The following AOPEP variants were observed in gnomAD, a reference collection of about 807,000 sequenced individuals.
The protein encoded by AOPEP is aminopeptidase O (putative), also known as aminopeptidase O.
A neutral mutation model predicts 98.1 loss-of-function variants in AOPEP; 77 were observed. The ratio of observed to expected loss-of-function variants is 0.78; its 90% confidence interval spans 0.65 to 0.95. AOPEP has a LOEUF of 0.95. Ranked by LOEUF, AOPEP falls within the 40% of genes least tolerant of loss-of-function variation. The pLI, the probability that AOPEP is intolerant of heterozygous loss-of-function variation, is 0.00. For synonymous variants in AOPEP, 346 were observed against 365.3 expected (o/e 0.95, Z 0.60); for missense variants, 1,024 against 1,024.7 (o/e 1.00, Z 0.01).
chr9:94,773,041 G>C lies in AOPEP; in HGVS notation c.837G>C (p.Arg279Ser), dbSNP rs1240098195. Residue 279 changes from arginine to serine, a missense_variant, in exon 3 of 17, where the codon AGG becomes AGC. By Grantham distance (110) the Arg-to-Ser change is moderately radical. Around this residue, in one of 3 missense-constraint regions of AOPEP, gnomAD observed 440 missense variants for 433.8 expected, o/e 1.01. Transcript: ENST00000375315. ...CTGTGGGATCTCCCATAAACAACAG[G>C]GCCCTTTTTCCATGCCAGGAGCCAC... is the stretch of plus-strand genomic sequence containing the variant. ...VYTVGSPINN[R>S]ALFPCQEPPV... is the part of the protein sequence containing the mutation. The C allele has an allele frequency of 6.2e-7, 1 of 1,613,822 alleles. No homozygotes were observed. The highest frequency in any genetic ancestry group is 8.5e-7 in the Non-Finnish European group (1 of 1,179,962).
At chr9:95,049,073 T>C (rs1318526204) in intron 13 of AOPEP, 1 of 152,172 alleles carries the variant, frequency 6.6e-6, no homozygotes, top group Admixed American at 6.5e-5. Context: ...TTCAAACATT[T>C]CTCTGTCAGA....
chr9:94,892,591 C>T (rs889098516), intron 5 of AOPEP, among the ~76,000 whole-genome samples: 1 of 152,156 alleles, frequency 6.6e-6, no homozygotes, highest in African/African-American at 2.4e-5. Flanking sequence ...TGTGAGATGG[C>T]CTCATTTGGA....
At chr9:95,003,374 T>G (rs577858551) in intron 11 of AOPEP, among the ~76,000 whole-genome samples, 1 of 152,232 alleles carries the variant, frequency 6.6e-6, no homozygotes, top group Non-Finnish European at 1.5e-5. Context: ...AAAACTGTAT[T>G]TAAGCAGAGC....
At chr9:95,085,988 C>T (rs1192219130) in intron 16 of AOPEP, 2 of 1,362,620 alleles carry the variant, frequency 1.5e-6, no homozygotes, top group Admixed American at 1.9e-5. Context: ...CCAGCTGAGG[C>T]GCTGCTTCTC....
At chr9:95,082,138 G>A (rs1474857855) in intron 15 of AOPEP, among the ~76,000 whole-genome samples, 1 of 152,136 alleles carries the variant, frequency 6.6e-6, no homozygotes, top group Non-Finnish European at 1.5e-5. Flanking sequence ...CCTGGCAGGT[G>A]AAGGACTTCC....
intron 1 of AOPEP, among the ~76,000 whole-genome samples, chr9:94,735,962 C>T (rs762982454): frequency 3.3e-5 from 5 of 152,224 alleles, no homozygotes; most frequent in Non-Finnish European, 7.3e-5. Context: ...ACGGTGTTCT[C>T]AAGGTTCGTC....
chr9:94,999,137 T>A (rs2061407930), intron 11 of AOPEP, among the ~76,000 whole-genome samples: 1 of 149,872 alleles, frequency 6.7e-6, no homozygotes, highest in Admixed American at 6.7e-5. Context: ...AAAAGGAAAT[T>A]AAAAAAAAAC....
At chr9:94,875,347 G>GAAAAAAAAAAAAAAAAAA (rs71366265) in intron 5 of AOPEP, among the ~76,000 whole-genome samples, 5 of 71,510 alleles carry the variant, frequency 7.0e-5, no homozygotes, top group African/African-American at 2.2e-4. Context: ...AATTGAGCAA[G>GAAAAAAAAAAAAAAAAAA]AAAAAAAAAA....
At chr9:95,024,539 C>T (rs184874416) in intron 13 of AOPEP, among the ~76,000 whole-genome samples, 1 of 152,172 alleles carries the variant, frequency 6.6e-6, no homozygotes, top group African/African-American at 2.4e-5. Context: ...GGTATCTGAC[C>T]CCTGTGTGAG....
chr9:94,933,176 C>G, intron 7 of AOPEP: 1 of 985,776 alleles, frequency 1.0e-6, no homozygotes, highest in Non-Finnish European at 1.2e-6. Flanking sequence ...ACAAGGTCCC[C>G]TCCTGACTCG....
intron 13 of AOPEP, among the ~76,000 whole-genome samples, chr9:95,051,743 G>C (rs1007372234): frequency 7.1e-6 from 1 of 140,636 alleles, no homozygotes; most frequent in Non-Finnish European, 1.5e-5. Flanking sequence ...TCACTCTTTT[G>C]CCCAGGCTGG....
intron 1 of AOPEP, among the ~76,000 whole-genome samples, chr9:94,729,576 T>TA (rs57495134): frequency 0.39 from 54,604 of 140,534 alleles, 10,399 homozygotes; most frequent in East Asian, 0.53. Context: ...ACACTGTCTT[T>TA]AAAAAAAAAA....
intron 5 of AOPEP, among the ~76,000 whole-genome samples, chr9:94,829,213 C>T (rs924598662): frequency 5.9e-5 from 9 of 151,792 alleles, no homozygotes; most frequent in South Asian, 4.2e-4. Flanking sequence ...CACACACACA[C>T]GCACACGCAC....
intron 5 of AOPEP, among the ~76,000 whole-genome samples, chr9:94,803,154 C>T (rs1474775468): frequency 4.6e-5 from 7 of 152,128 alleles, no homozygotes; most frequent in Admixed American, 4.6e-4. Flanking sequence ...CCAAAAAGAC[C>T]TCCATACTGA....
At chr9:95,067,971 A>G (rs1159166099) in intron 14 of AOPEP, among the ~76,000 whole-genome samples, 1 of 152,198 alleles carries the variant, frequency 6.6e-6, no homozygotes. Context: ...TTGACTTAGC[A>G]TAATGTTTTC....
chr9:95,060,701 C>G lies in AOPEP; in HGVS notation c.2123C>G (p.Pro708Arg). The change falls in exon 14 of 17, where the codon CCA becomes CGA. Residue 708 changes from proline to arginine, a missense_variant. Around this residue, in one of 3 missense-constraint regions of AOPEP, gnomAD observed 566 missense variants for 551.7 expected, o/e 1.03. Transcript: ENST00000375315. ...GTTTGGTTTTGTCTTTAGCTTCTTC[C>G]AGACCAGCTGGTCTTGCTTCTGGAG... ...EKEEVFEKLLPDQLVLLLEHL... is the reference protein window; with the variant it reads ...EKEEVFEKLLRDQLVLLLEHL... 6.2e-7 allele frequency: 1 copy of G among 1,611,612 alleles called. No individual in the cohort carries two copies. Among genetic ancestry groups the G allele is most frequent in the African/African-American group, 1.3e-5 (1 of 74,972 alleles).
intron 1 of AOPEP, among the ~76,000 whole-genome samples, chr9:94,730,201 G>A (rs1296221821): frequency 2.0e-5 from 3 of 151,374 alleles, no homozygotes; most frequent in Non-Finnish European, 2.9e-5. Context: ...GGAGAATGGC[G>A]TGAACTGGTG....
In AOPEP at chr9:95,060,757, C is replaced by T. The variant is rs184719129; in HGVS notation, c.2179C>T (p.Arg727Ter). ...CTTGGAGCAGAAGACTCTGAGCCCCCGAACTCTGCAAAGCCTCCAGAGGAC... is the reference window on the plus strand; with the variant it reads ...CTTGGAGCAGAAGACTCTGAGCCCCTGAACTCTGCAAAGCCTCCAGAGGAC... Reference protein sequence around the residue: ...HLLEQKTLSPRTLQSLQRTYH... With the variant: ...HLLEQKTLSP Residue 727 changes from arginine to a stop codon, truncating the protein, a stop_gained, in exon 14 of 17, where the codon CGA becomes TGA. Coordinates refer to ENST00000375315, the MANE Select transcript of AOPEP (RefSeq NM_001193329.3). LOFTEE classifies it high-confidence loss of function. The T allele has an allele frequency of 6.8e-6, 11 of 1,614,090 alleles. No individual in the cohort carries two copies. The highest frequency in any genetic ancestry group is 4.0e-5 in the African/African-American group (3 of 75,032).
At chr9:94,807,866 GGCAAAGT>G (rs1849575259) in intron 5 of AOPEP, among the ~76,000 whole-genome samples, 1 of 152,180 alleles carries the variant, frequency 6.6e-6, no homozygotes, top group Non-Finnish European at 1.5e-5. Flanking sequence ...AAAGTCCTCA[GGCAAAGT>G]ACAATGTGTG....
Sources: gnomAD v4.1 joint callset for allele counts (sites outside exome capture counted in the v4.1 genomes callset) on GRCh38, gnomAD v4.1.1 for gene constraint, gnomAD v4.1.1 regional missense constraint, MANE v1.5 for transcripts, NCBI Gene and HGNC (gene_info 2026-07-23, HGNC 2026-07-21) for gene names.